AAK1: variants seen among roughly 807,000 people sequenced by gnomAD.
AAK1 encodes AP2 associated kinase 1.
AAK1 carries 37 observed loss-of-function variants against 116.0 expected under a neutral mutation model. The ratio of observed to expected loss-of-function variants is 0.32; its 90% CI spans 0.25 to 0.42. The LOEUF (loss-of-function observed/expected upper bound fraction) is 0.42, where lower values mean the gene tolerates loss of function less well. Among genes scored for constraint, AAK1 ranks in the 10% least tolerant of loss-of-function variants. AAK1 has a pLI of 1.00. For missense variants in AAK1, 919 were observed against 1,170.6 expected, an observed-to-expected ratio of 0.79 and a Z score of 3.14; for synonymous variants, 458 against 439.9, an observed-to-expected ratio of 1.04 and a Z score of -0.51.
intron 2 of AAK1, among the ~76,000 whole-genome samples, chr2:69,596,180 A>G (rs1257509273): frequency 1.3e-5 from 2 of 152,116 alleles, no homozygotes; most frequent in Non-Finnish European, 2.9e-5. Flanking sequence ...CTGCTAACAC[A>G]ACATACATTC....
At chr2:69,481,117 C>T in intron 18 of AAK1, 156 bp from the exon 19 acceptor site, 1 of 587,162 alleles carries the variant, frequency 1.7e-6, no homozygotes, top group Non-Finnish European at 2.9e-6. Context: ...CCACCTTGGC[C>T]TCCCAAAGTC....
rs566649367 is a variant in AAK1 at position 69,473,923 on chromosome 2, C to T, written c.*1946G>A. 1 of 985,818 alleles carries T rather than the reference C, an allele frequency of 1.0e-6. No individual in the cohort carries two copies. Among genetic ancestry groups the T allele is most frequent in the South Asian group, 4.7e-5 (1 of 21,278 alleles). 61.1% of individuals were successfully genotyped at this position (985,818 alleles called of 1,614,324 possible). ...TTCACTGCTATCCAACCACAGAGAG[C>T]CCTTCGTGGATATCTTTTGCTTTTT... On this transcript the variant is annotated 3_prime_UTR_variant, in exon 22 of 22. Transcript: ENST00000409085.
chr2:69,639,330 T>C (rs750850886), intron 2 of AAK1, among the ~76,000 whole-genome samples: 47 of 152,230 alleles, frequency 3.1e-4, no homozygotes, highest in Non-Finnish European at 4.0e-4. Context: ...ATTGAGCTCA[T>C]TCTGGAAGCT....
chr2:69,543,674 G>A (rs918290041), intron 4 of AAK1, among the ~76,000 whole-genome samples: 2 of 152,168 alleles, frequency 1.3e-5, no homozygotes, highest in Non-Finnish European at 1.5e-5. Context: ...CCAAAGTGCT[G>A]GGATTACAGG....
rs915129388 is a variant in AAK1 at position 69,547,923 on chromosome 2, T to C, written c.283-3379A>G. On this transcript the variant is annotated intron_variant, in intron 3 of 21. Transcript: ENST00000409085. ...GCCACACAATGGAATGAAATATTGA[T>C]ACATGCTATGACATGTATCAAGGAC... Among the ~76,000 whole-genome samples, 5 of 152,218 alleles carry C rather than the reference T, an allele frequency of 3.3e-5. No individual in the cohort carries two copies. In the South Asian group the frequency reaches 1.0e-3, roughly 32 times the overall value.
At chr2:69,500,694 TATATACACACACAC>T (rs1374045581) in intron 16 of AAK1, among the ~76,000 whole-genome samples, 5 of 110,112 alleles carry the variant, frequency 4.5e-5, no homozygotes, top group African/African-American at 2.2e-4. Context: ...TATATATATA[TATATACACACACAC>T]ACACACACAC....
At chr2:69,497,683 T>C (rs1043112187) in intron 16 of AAK1, among the ~76,000 whole-genome samples, 6 of 151,566 alleles carry the variant, frequency 4.0e-5, no homozygotes, top group Admixed American at 1.3e-4. Context: ...GCTGTCTTTC[T>C]AGAAAAAAAA....
intron 2 of AAK1, among the ~76,000 whole-genome samples, chr2:69,622,884 C>G (rs1027220586): frequency 6.6e-6 from 1 of 152,132 alleles, no homozygotes; most frequent in Non-Finnish European, 1.5e-5. Context: ...ACGCACCAAT[C>G]AGCACCCTGT....
chr2:69,638,480 A>T (rs757710237), intron 2 of AAK1, among the ~76,000 whole-genome samples: 24 of 152,128 alleles, frequency 1.6e-4, no homozygotes, highest in Non-Finnish European at 2.4e-4. Context: ...GTACCTATTC[A>T]TCAGTCTTTC....
chr2:69,466,241 G>A lies in AAK1; in HGVS notation c.*9628C>T, dbSNP rs926672697. The A allele has an allele frequency of 1.1e-5, 14 of 1,289,644 alleles. No individual in the cohort carries two copies. The highest frequency in any genetic ancestry group is 4.6e-5 in the Admixed American group (2 of 43,542). The allele number at this position is 1,289,644 out of a possible 1,614,324, so 79.9% of individuals were successfully genotyped here. A position where few individuals can be genotyped will look rare whatever the true frequency, so the allele number is the denominator to read the frequency against. Reference sequence around the variant, plus strand: ...AGACTTCTGGTGGAGCGAATGGAACGGCTCCTCCCAGCTTCCCCGGGGGGG... The same window carrying A: ...AGACTTCTGGTGGAGCGAATGGAACAGCTCCTCCCAGCTTCCCCGGGGGGG... On this transcript the variant is annotated 3_prime_UTR_variant, in exon 22 of 22. Coordinates refer to ENST00000409085, the MANE Select transcript of AAK1 (RefSeq NM_014911.5).
chr2:69,558,322 T>G (rs1572955677), intron 2 of AAK1, among the ~76,000 whole-genome samples: 1 of 142,994 alleles, frequency 7.0e-6, no homozygotes, highest in Non-Finnish European at 1.5e-5. Context: ...CCAGCCTGGG[T>G]GAAAGAGACC....
Position 69,466,169 on chromosome 2 carries a change from A to C in AAK1, c.*9700T>G. 2.3e-6 allele frequency: 3 copies of C among 1,290,008 alleles called. No homozygotes were observed. The highest frequency in any genetic ancestry group is 1.2e-5 in the South Asian group (1 of 81,020). The allele number at this position is 1,290,008 out of a possible 1,614,324, so 79.9% of individuals were successfully genotyped here. A position where few individuals can be genotyped will look rare whatever the true frequency, so the allele number is the denominator to read the frequency against. ...CAGTGGCTGGCTGTGTGAAGGCTTGAAACTGGTTCTTTCTTCCACCTTGCA... is the reference window on the plus strand; with the variant it reads ...CAGTGGCTGGCTGTGTGAAGGCTTGCAACTGGTTCTTTCTTCCACCTTGCA... On this transcript the variant is annotated 3_prime_UTR_variant, in exon 22 of 22. Coordinates refer to ENST00000409085, the MANE Select transcript of AAK1 (RefSeq NM_014911.5).
At position 69,643,211 on chromosome 2, in the gene AAK1, TA is replaced by T; in HGVS notation, c.-172del. On this transcript the variant is annotated 5_prime_UTR_variant, in exon 2 of 22. Coordinates refer to ENST00000409085, the MANE Select transcript of AAK1 (RefSeq NM_014911.5). Reference sequence around the variant, plus strand: ...GGCTGAGGGAGGATGCCTATAGGAATATGCGTGTCAATCGCGCAGCGGGTCC... The same window carrying T: ...GGCTGAGGGAGGATGCCTATAGGAATTGCGTGTCAATCGCGCAGCGGGTCC... 2 of 1,413,606 alleles carry T rather than the reference TA, an allele frequency of 1.4e-6. No individual in the cohort carries two copies. The highest frequency in any genetic ancestry group is 3.3e-5 in the South Asian group (2 of 61,506). The allele number at this position is 1,413,606 out of a possible 1,614,324, so 87.6% of individuals were successfully genotyped here.
At chr2:69,582,883 GAAGTT>G (rs1344023773) in intron 2 of AAK1, among the ~76,000 whole-genome samples, 1 of 152,200 alleles carries the variant, frequency 6.6e-6, no homozygotes, top group Non-Finnish European at 1.5e-5. Flanking sequence ...TCTGTTGCTG[GAAGTT>G]AAGACACCAG....
At chr2:69,611,461 G>C (rs773394506) in intron 2 of AAK1, among the ~76,000 whole-genome samples, 24 of 152,168 alleles carry the variant, frequency 1.6e-4, no homozygotes, top group Non-Finnish European at 1.9e-4. Flanking sequence ...TACAGCACAT[G>C]GTTTAGAGTT....
intron 2 of AAK1, among the ~76,000 whole-genome samples, chr2:69,581,640 C>T (rs1215281870): frequency 6.6e-6 from 1 of 152,026 alleles, no homozygotes; most frequent in African/African-American, 2.4e-5. Flanking sequence ...TTTATGATAA[C>T]AGGTTGAAAA....
chr2:69,620,040 C>T (rs1271074540), intron 2 of AAK1, among the ~76,000 whole-genome samples: 2 of 152,156 alleles, frequency 1.3e-5, no homozygotes. Flanking sequence ...ACTCTGGCTA[C>T]TGTGCTGAGT....
chr2:69,545,312 C>T (rs1299329721), intron 3 of AAK1, among the ~76,000 whole-genome samples: 7 of 152,128 alleles, frequency 4.6e-5, no homozygotes, highest in African/African-American at 1.7e-4. Context: ...AGAGAGGCAG[C>T]TCTTTGTAAT....
Position 69,466,081 on chromosome 2 carries a change from C to T in AAK1, c.*9788G>A, listed in dbSNP as rs1674475873. 3 of 1,290,928 alleles carry T rather than the reference C, an allele frequency of 2.3e-6. No individual in the cohort carries two copies. Among genetic ancestry groups the T allele is most frequent in the Non-Finnish European group, 3.0e-6 (3 of 988,882 alleles). 80.0% of individuals were successfully genotyped at this position (1,290,928 alleles called of 1,614,324 possible). A position where few individuals can be genotyped will look rare whatever the true frequency, so the allele number is the denominator to read the frequency against. ...GCTTTGGAGAAAATGTCCATGTCAT[C>T]ATTTGGAACCCTTGAGCTCCTGAAG... is the stretch of plus-strand genomic sequence containing the variant. On this transcript the variant is annotated 3_prime_UTR_variant, in exon 22 of 22. Coordinates refer to ENST00000409085, the MANE Select transcript of AAK1 (RefSeq NM_014911.5).
Sources: gnomAD v4.1 joint callset for allele counts (sites outside exome capture counted in the v4.1 genomes callset) on GRCh38, gnomAD v4.1.1 for gene constraint, MANE v1.5 for transcripts, NCBI Gene and HGNC (gene_info 2026-07-23, HGNC 2026-07-21) for gene names.